COP1: variants seen among roughly 807,000 people sequenced by gnomAD.
The protein encoded by COP1 is COP1 E3 ubiquitin ligase.
A neutral mutation model predicts 101.3 loss-of-function variants in COP1; 24 were observed. The ratio of observed to expected loss-of-function variants is 0.24; its 90% CI spans 0.17 to 0.33. COP1 has a LOEUF of 0.33. COP1 is among the 10% of genes least tolerant of loss of function. The pLI is 1.00. For synonymous variants in COP1, 347 were observed against 341.9 expected, an observed-to-expected ratio of 1.01 and a Z score of -0.17; for missense variants, 663 against 906.2, an observed-to-expected ratio of 0.73 and a Z score of 3.45.
chr1:176,035,713 A>AAAAAAAAAAAAAAAAAAAAAAC (rs1669402949), intron 14 of COP1, among the ~76,000 whole-genome samples: 1 of 71,342 alleles, frequency 1.4e-5, no homozygotes, highest in Admixed American at 1.3e-4. Context: ...ACGAGACCAA[A>AAAAAAAAAAAAAAAAAAAAAAC]AAAAAAAAAA....
At chr1:176,146,030 A>C (rs1691542379) in intron 6 of COP1, among the ~76,000 whole-genome samples, 1 of 152,182 alleles carries the variant, frequency 6.6e-6, no homozygotes. Flanking sequence ...TTCATATAAA[A>C]ATCGTTTAAA....
rs149368174 is a variant in COP1 at position 176,077,263 on chromosome 1, G to T, written c.1277+3889C>A. ...TATTTGTTCAGCTTACAAAATACTT[G>T]TAAGCTGAATCCAGGAGCACATCAA... On this transcript the variant is annotated intron_variant, in intron 11 of 19. Coordinates refer to ENST00000367669, the MANE Select transcript of COP1 (RefSeq NM_022457.7). Among the ~76,000 whole-genome samples the T allele has an allele frequency of 2.6e-3, 398 of 152,144 alleles. 3 individuals are homozygous for T. Among genetic ancestry groups the T allele is most frequent in the African/African-American group, 9.2e-3 (380 of 41,508 alleles).
chr1:176,145,863 A>T (rs545472429), intron 6 of COP1, among the ~76,000 whole-genome samples: 1 of 152,318 alleles, frequency 6.6e-6, no homozygotes, highest in Admixed American at 6.5e-5. Flanking sequence ...TTGGTTACCT[A>T]ATGGGCAAGG....
Position 176,035,845 on chromosome 1 carries a change from T to C in COP1, c.1612+7341A>G, listed in dbSNP as rs563070565. Among the ~76,000 whole-genome samples the C allele has an allele frequency of 4.6e-5, 7 of 152,086 alleles. No homozygotes were observed. In the South Asian group the frequency reaches 1.4e-3, roughly 32 times the overall value. ...GTTTCTTTTCAATGCATTTGAAATA[T>C]TTATCAAGGTAGTTCATATTCTGGA... On this transcript the variant is annotated intron_variant, in intron 14 of 19. Coordinates refer to ENST00000367669, the MANE Select transcript of COP1 (RefSeq NM_022457.7).
At position 176,027,417 on chromosome 1, in the gene COP1, G is replaced by T. The variant is rs1391600184; in HGVS notation, c.1729+155C>A. 2.6e-5 allele frequency among the ~76,000 whole-genome samples: 4 copies of T among 152,138 alleles called. No individual in the cohort carries two copies. The East Asian group carries it at 7.7e-4, about 29-fold the overall frequency. On this transcript the variant is annotated intron_variant, in intron 15 of 19. Coordinates refer to ENST00000367669, the MANE Select transcript of COP1 (RefSeq NM_022457.7). ...GCAATTAAGGTACAGCACTAAATGAGTAATGATGGCATACTGTATACTTCT... is the reference window on the plus strand; with the variant it reads ...GCAATTAAGGTACAGCACTAAATGATTAATGATGGCATACTGTATACTTCT...
At chr1:176,170,594 G>A (rs1695891769) in intron 3 of COP1, among the ~76,000 whole-genome samples, 1 of 152,128 alleles carries the variant, frequency 6.6e-6, no homozygotes, top group African/African-American at 2.4e-5. Context: ...AAATCACGCT[G>A]AAAAGAGATA....
At chr1:176,114,084 T>C (rs1348849933) in intron 9 of COP1, among the ~76,000 whole-genome samples, 1 of 152,034 alleles carries the variant, frequency 6.6e-6, no homozygotes, top group Non-Finnish European at 1.5e-5. Flanking sequence ...TTCTGTGAAA[T>C]TATATTCAGA....
At chr1:175,965,888 C>G (rs1344158147) in intron 18 of COP1, among the ~76,000 whole-genome samples, 1 of 152,130 alleles carries the variant, frequency 6.6e-6, no homozygotes, top group East Asian at 1.9e-4. Context: ...AGCCACTTAT[C>G]TGGGTTTGAT....
intron 18 of COP1, among the ~76,000 whole-genome samples, chr1:175,973,570 T>G (rs1055525372): frequency 6.6e-6 from 1 of 152,252 alleles, no homozygotes; most frequent in African/African-American, 2.4e-5. Flanking sequence ...TCTTATGAGA[T>G]AACTTTGTAA....
At position 175,987,218 on chromosome 1, in the gene COP1, A is replaced by C. The variant is rs113573986; in HGVS notation, c.1973-115T>G. The C allele has an allele frequency of 1.0e-3, 546 of 537,668 alleles. 4 individuals are homozygous for C. The highest frequency in any genetic ancestry group is 9.5e-3 in the African/African-American group (494 of 52,064). The allele number at this position is 537,668 out of a possible 1,614,324, so 33.3% of individuals were successfully genotyped here. On this transcript the variant is annotated intron_variant, in intron 17 of 19. Coordinates refer to ENST00000367669, the MANE Select transcript of COP1 (RefSeq NM_022457.7). The stretch of plus-strand genomic sequence containing the variant: ...TAGTTCAAAGATCTTTTATGGGCAA[A>C]TTTGAAAGGCTAGATCACAGGACTA...
At chr1:176,177,485 C>G (rs646754) in intron 2 of COP1, among the ~76,000 whole-genome samples, 2 of 152,062 alleles carry the variant, frequency 1.3e-5, no homozygotes, top group African/African-American at 4.8e-5. Flanking sequence ...AAATAAACCA[C>G]AAAAGACAAT....
chr1:175,951,463 A>ATATATATATATATATATATATGTAT (rs1558154896), intron 18 of COP1, among the ~76,000 whole-genome samples: 1 of 39,918 alleles, frequency 2.5e-5, no homozygotes, highest in Non-Finnish European at 4.9e-5. Context: ...TATATATATA[A>ATATATATATATATATATATATGTAT]AAACTTCCAT....
At chr1:176,161,557 C>T (rs1694327207) in intron 5 of COP1, among the ~76,000 whole-genome samples, 1 of 152,016 alleles carries the variant, frequency 6.6e-6, no homozygotes, top group Non-Finnish European at 1.5e-5. Flanking sequence ...ATGACTGTAC[C>T]ACTGCACTCC....
chr1:176,162,486 T>C (rs1038635012), intron 5 of COP1, among the ~76,000 whole-genome samples: 14 of 152,274 alleles, frequency 9.2e-5, no homozygotes, highest in African/African-American at 3.1e-4. Flanking sequence ...GAAAGAACTG[T>C]ATGTAGATAA....
intron 8 of COP1, among the ~76,000 whole-genome samples, chr1:176,129,351 CTA>C (rs1688540604): frequency 6.6e-6 from 1 of 151,736 alleles, no homozygotes; most frequent in Admixed American, 6.6e-5. Flanking sequence ...AAAGTCTTAC[CTA>C]TATATTTTAT....
intron 5 of COP1, among the ~76,000 whole-genome samples, chr1:176,159,047 A>C (rs575894573): frequency 2.0e-5 from 3 of 152,366 alleles, no homozygotes; most frequent in South Asian, 2.1e-4. Context: ...ACAAAAAATT[A>C]TAAGTGATGA....
chr1:175,992,248 T>C (rs960542622), intron 15 of COP1, among the ~76,000 whole-genome samples: 2 of 152,066 alleles, frequency 1.3e-5, no homozygotes, highest in Non-Finnish European at 2.9e-5. Context: ...TATTTAAAAA[T>C]GTACAATGGG....
chr1:176,206,463 T>A (rs948164781), intron 1 of COP1, 109 bp downstream of exon 1: 2 of 1,280,522 alleles, frequency 1.6e-6, no homozygotes, highest in Non-Finnish European at 2.2e-6. Flanking sequence ...ACAGCACCAG[T>A]ATCCCAAGCT....
chr1:175,991,284 G>A (rs1658371428), intron 15 of COP1, among the ~76,000 whole-genome samples: 1 of 152,098 alleles, frequency 6.6e-6, no homozygotes, highest in African/African-American at 2.4e-5. Flanking sequence ...ACAAACCTAT[G>A]TATCATGTTA....
Sources: gnomAD v4.1 joint callset for allele counts (sites outside exome capture counted in the v4.1 genomes callset) on GRCh38, gnomAD v4.1.1 for gene constraint, MANE v1.5 for transcripts, NCBI Gene and HGNC (gene_info 2026-07-23, HGNC 2026-07-21) for gene names.